Variants in MAP2K4 observed in about 807,000 individuals in gnomAD.
The protein encoded by MAP2K4 is dual specificity mitogen-activated protein kinase kinase 4.
MAP2K4 carries 4 observed loss-of-function variants against 48.5 expected under a neutral mutation model. The ratio of observed to expected loss-of-function variants is 0.08; its 90% CI spans 0.04 to 0.19. The LOEUF is 0.19. MAP2K4 is among the 10% of genes least tolerant of loss of function. The pLI is 1.00. For missense variants in MAP2K4, 258 were observed against 493.3 expected (o/e 0.52, Z 4.52); for synonymous variants, 166 against 173.1 (o/e 0.96, Z 0.32).
At chr17:12,140,649 C>T (rs900419272) in intron 10 of MAP2K4, among the ~76,000 whole-genome samples, 4 of 152,190 alleles carry the variant, frequency 2.6e-5, no homozygotes, top group South Asian at 4.2e-4. Context: ...AGAATTACAG[C>T]CTTTTTGTTA....
At chr17:12,091,374 G>C (rs775964720) in intron 3 of MAP2K4, among the ~76,000 whole-genome samples, 1 of 152,126 alleles carries the variant, frequency 6.6e-6, no homozygotes, top group African/African-American at 2.4e-5. Flanking sequence ...GCTGTGTTTT[G>C]TGACGAGATG....
Position 12,068,769 on chromosome 17 carries a change from G to A in MAP2K4, c.219-12587G>A, listed in dbSNP as rs577813111. Among the ~76,000 whole-genome samples the A allele has an allele frequency of 6.9e-5, 10 of 145,712 alleles. 1 individual carries two copies. The highest frequency in any genetic ancestry group is 3.8e-3 in the Middle Eastern group (1 of 266). On this transcript the variant is annotated intron_variant, in intron 2 of 10. Transcript: ENST00000353533. ...TATATATATTATATATATATATAGCGTGTGTGTATATGTATTTATGTATAC... is the reference window on the plus strand; with the variant it reads ...TATATATATTATATATATATATAGCATGTGTGTATATGTATTTATGTATAC...
At chr17:12,123,745 A>C (rs75733616) in intron 7 of MAP2K4, among the ~76,000 whole-genome samples, 217 of 152,150 alleles carry the variant, frequency 1.4e-3, no homozygotes, top group African/African-American at 5.0e-3. Flanking sequence ...CATTTAGTTC[A>C]ATTTTTTAAC....
At chr17:12,057,174 T>C (rs1320375987) in intron 2 of MAP2K4, among the ~76,000 whole-genome samples, 2 of 152,132 alleles carry the variant, frequency 1.3e-5, no homozygotes, top group Non-Finnish European at 2.9e-5. Context: ...CAATTGGCTG[T>C]CGTAATTTTA....
chr17:12,109,294 T>TA (rs1300106572), intron 5 of MAP2K4, among the ~76,000 whole-genome samples: 4 of 152,160 alleles, frequency 2.6e-5, no homozygotes, highest in Non-Finnish European at 5.9e-5. Context: ...ATATATACTG[T>TA]AAAAAATGAT....
At chr17:12,115,236 C>T (rs1422844926) in intron 7 of MAP2K4, among the ~76,000 whole-genome samples, 1 of 152,186 alleles carries the variant, frequency 6.6e-6, no homozygotes, top group African/African-American at 2.4e-5. Context: ...TTCCCAACTC[C>T]ATACCCTCAT....
At chr17:12,102,988 G>A (rs577899076) in intron 4 of MAP2K4, among the ~76,000 whole-genome samples, 1 of 146,992 alleles carries the variant, frequency 6.8e-6, no homozygotes, top group Non-Finnish European at 1.5e-5. Flanking sequence ...TGATGATCTC[G>A]ATGAACCAGC....
At chr17:12,096,995 A>G (rs1244351756) in intron 4 of MAP2K4, among the ~76,000 whole-genome samples, 1 of 152,152 alleles carries the variant, frequency 6.6e-6, no homozygotes, top group Non-Finnish European at 1.5e-5. Flanking sequence ...ATTTTCTTCC[A>G]TCATTTCACA....
chr17:12,140,143 CTT>C (rs1199126603), intron 10 of MAP2K4, among the ~76,000 whole-genome samples: 1 of 152,146 alleles, frequency 6.6e-6, no homozygotes, highest in Non-Finnish European at 1.5e-5. Context: ...AGAATTCTGA[CTT>C]TAAGAAGCCA....
At position 12,081,702 on chromosome 17, in the gene MAP2K4, C is replaced by T. The variant is rs555796825; in HGVS notation, c.393+172C>T. Among the ~76,000 whole-genome samples the T allele has an allele frequency of 1.3e-5, 2 of 152,174 alleles. No homozygotes were observed. Among genetic ancestry groups the T allele is most frequent in the Admixed American group, 1.3e-4 (2 of 15,282 alleles). ...GTGTAGAGGTTTCTTATTGGTGGCA[C>T]ATTTTCTATCTCTTTGGAAACATGA... On this transcript the variant is annotated intron_variant, in intron 3 of 10. Coordinates refer to ENST00000353533, the MANE Select transcript of MAP2K4 (RefSeq NM_003010.4). The surrounding 1 kb of genome is among the most constrained non-coding windows in gnomAD (Gnocchi z 4.2).
intron 1 of MAP2K4, among the ~76,000 whole-genome samples, chr17:12,050,237 T>A (rs1280289107): frequency 6.6e-6 from 1 of 152,182 alleles, no homozygotes; most frequent in East Asian, 1.9e-4. Flanking sequence ...CAGTGAAATG[T>A]TGATAAGAAA....
intron 9 of MAP2K4, among the ~76,000 whole-genome samples, chr17:12,138,260 C>A (rs1973265981): frequency 1.3e-5 from 2 of 150,650 alleles, no homozygotes; most frequent in African/African-American, 2.4e-5. Context: ...CCTGTACAGT[C>A]AAAAATCCGC....
Position 12,129,179 on chromosome 17 carries a change from A to G in MAP2K4, c.932A>G (p.Asn311Ser). Residue 311 changes from asparagine (N) to serine (S), a missense_variant, in exon 9 of 11, where the codon AAT (asparagine) becomes AGT (serine). Asn to Ser is a conservative substitution (Grantham distance 46, BLOSUM62 1). Coordinates refer to ENST00000353533, the MANE Select transcript of MAP2K4 (RefSeq NM_003010.4). Reference protein sequence around the residue: ...ATGRFPYPKWNSVFDQLTQVV... With the variant: ...ATGRFPYPKWSSVFDQLTQVV... ...GGCCGATTTCCTTATCCAAAGTGGA[A>G]TAGTGTATTTGATCAACTAACACAA... 2 of 1,614,190 alleles carry G rather than the reference A, an allele frequency of 1.2e-6. No homozygotes were observed. Among genetic ancestry groups the G allele is most frequent in the South Asian group, 2.2e-5 (2 of 91,088 alleles).
intron 1 of MAP2K4, among the ~76,000 whole-genome samples, chr17:12,032,588 C>G (rs894090819): frequency 6.6e-6 from 1 of 151,842 alleles, no homozygotes; most frequent in Non-Finnish European, 1.5e-5. Flanking sequence ...CAGACTTAAC[C>G]CTAATTTAAA....
intron 1 of MAP2K4, among the ~76,000 whole-genome samples, chr17:12,052,220 T>C (rs1970164429): frequency 6.6e-6 from 1 of 152,186 alleles, no homozygotes; most frequent in African/African-American, 2.4e-5. Context: ...AATTACTTAG[T>C]GTGTTTTGTT....
At chr17:12,094,168 A>AGTTGTAG (rs1010870724) in intron 3 of MAP2K4, among the ~76,000 whole-genome samples, 10 of 152,176 alleles carry the variant, frequency 6.6e-5, no homozygotes, top group Non-Finnish European at 1.2e-4. Context: ...TTAATATAAA[A>AGTTGTAG]GTTGTAGGTA....
chr17:12,118,913 CAT>C (rs1972586533), intron 7 of MAP2K4, among the ~76,000 whole-genome samples: 2 of 152,234 alleles, frequency 1.3e-5, no homozygotes, highest in Non-Finnish European at 1.5e-5. Flanking sequence ...GGATGGATTC[CAT>C]ATGTTAAAGT....
intron 3 of MAP2K4, among the ~76,000 whole-genome samples, chr17:12,083,564 AC>A (rs1971261867): frequency 6.6e-6 from 1 of 152,224 alleles, no homozygotes; most frequent in African/African-American, 2.4e-5. Flanking sequence ...GGATGGCAGT[AC>A]AACACATCAA....
chr17:12,125,139 A>G, intron 7 of MAP2K4, 155 bp from the exon 8 acceptor site: 2 of 607,986 alleles, frequency 3.3e-6, no homozygotes, highest in Non-Finnish European at 6.0e-6. Flanking sequence ...TGTTTTTATG[A>G]TAATGATGAC....
Sources: allele counts gnomAD v4.1 joint callset (sites outside exome capture counted in the v4.1 genomes callset), GRCh38; gene constraint gnomAD v4.1.1; non-coding constraint Gnocchi (gnomAD v3.1); transcripts MANE v1.5; gene names NCBI Gene and HGNC (gene_info 2026-07-23, HGNC 2026-07-21).